The following BORCS5 variants were observed in gnomAD, a reference collection of about 807,000 sequenced individuals.
The protein encoded by BORCS5 is BLOC-1 related complex subunit 5.
A neutral mutation model predicts 22.1 loss-of-function variants in BORCS5; 17 were observed. That is an observed-to-expected ratio of 0.77 (90% CI 0.53 to 1.15). The LOEUF is 1.15. Among genes scored for constraint, BORCS5 ranks in the 50% most tolerant of loss-of-function variants. The pLI is 0.00. For synonymous variants in BORCS5, 117 were observed against 99.8 expected (o/e 1.17, Z -1.03); for missense variants, 247 against 253.2 (o/e 0.98, Z 0.17).
At chr12:12,430,151 A>ATTTTTTTTTTT (rs71061068) in intron 2 of BORCS5, among the ~76,000 whole-genome samples, 18,407 of 106,150 alleles carry the variant, frequency 0.17, 3,172 homozygotes, top group Non-Finnish European at 0.2. Flanking sequence ...CTTAGAGAAA[A>ATTTTTTTTTTT]TTTTTTTTTT....
chr12:12,423,547 T>G (rs200961383), intron 2 of BORCS5, among the ~76,000 whole-genome samples: 5 of 149,280 alleles, frequency 3.3e-5, no homozygotes, highest in Non-Finnish European at 1.5e-5. Context: ...ACAGGTTTTT[T>G]GTTTTTTGTT....
At chr12:12,433,605 G>A (rs368281749) in intron 2 of BORCS5, among the ~76,000 whole-genome samples, 7 of 152,168 alleles carry the variant, frequency 4.6e-5, no homozygotes, top group Non-Finnish European at 7.4e-5. Flanking sequence ...AAGGGGACAC[G>A]GGATCCTATA....
intron 2 of BORCS5, among the ~76,000 whole-genome samples, chr12:12,410,404 T>C (rs1023310157): frequency 1.3e-5 from 2 of 152,252 alleles, no homozygotes; most frequent in African/African-American, 2.4e-5. Context: ...AGTTTTTGTA[T>C]AAGGTGTAAG....
rs1032909952 is a variant in BORCS5 at position 12,382,945 on chromosome 12, A to T, written c.202+21596A>T. ...ATCTTGATGTTTCATCCAGTCTGAC[A>T]TTCTCTACCTTTTGATTGAGGTATA... On this transcript the variant is annotated intron_variant, in intron 2 of 3. Transcript: ENST00000314565. Among the ~76,000 whole-genome samples, 4 of 151,470 alleles carry T rather than the reference A, an allele frequency of 2.6e-5. No homozygotes were observed. In the East Asian group the frequency reaches 7.7e-4, roughly 29 times the overall value.
At chr12:12,435,907 G>A (rs932894968) in intron 3 of BORCS5, 122 bp downstream of exon 3, 20 of 966,824 alleles carry the variant, frequency 2.1e-5, no homozygotes, top group Non-Finnish European at 2.8e-5. Flanking sequence ...TTTCCCAGCA[G>A]TAAAATGTGA....
At chr12:12,451,351 C>CT (rs1347441229) in intron 3 of BORCS5, among the ~76,000 whole-genome samples, 21 of 152,130 alleles carry the variant, frequency 1.4e-4, no homozygotes, top group African/African-American at 5.1e-4. Flanking sequence ...ATATCTGGTT[C>CT]TTTAACAATT....
rs555305661 is a variant in BORCS5, at chr12:12,445,147, G to T, written c.360+9362G>T. Among the ~76,000 whole-genome samples the T allele has an allele frequency of 5.3e-5, 8 of 152,212 alleles. No individual in the cohort carries two copies. The East Asian group carries it at 1.4e-3, about 26-fold the overall frequency. ...TAGCCTCAAACTCCTGGGCTCAAGT[G>T]ATCCTCCCACTTCAGCCTCTCAAGT... On this transcript the variant is annotated intron_variant, in intron 3 of 3. Coordinates refer to ENST00000314565, the MANE Select transcript of BORCS5 (RefSeq NM_058169.6).
chr12:12,438,385 A>AAAC (rs1555156049), intron 3 of BORCS5, among the ~76,000 whole-genome samples: 2 of 126,110 alleles, frequency 1.6e-5, no homozygotes, highest in African/African-American at 6.6e-5. Context: ...AAAAAACGAA[A>AAAC]AACAACAACA....
At chr12:12,358,509 T>C (rs1378252651) in intron 1 of BORCS5, among the ~76,000 whole-genome samples, 1 of 152,238 alleles carries the variant, frequency 6.6e-6, no homozygotes, top group Non-Finnish European at 1.5e-5. Flanking sequence ...ATATCTGTTA[T>C]AAGAAATATA....
intron 2 of BORCS5, among the ~76,000 whole-genome samples, chr12:12,410,065 T>G (rs1234859876): frequency 2.2e-4 from 33 of 152,002 alleles, no homozygotes; most frequent in Middle Eastern, 3.4e-3. Flanking sequence ...TCACCCACTT[T>G]TTGATGGGGT....
chr12:12,391,142 A>G (rs891855248), intron 2 of BORCS5, among the ~76,000 whole-genome samples: 9 of 152,192 alleles, frequency 5.9e-5, no homozygotes, highest in African/African-American at 2.2e-4. Flanking sequence ...ATTTCAAGAT[A>G]AGTCCATAAC....
intron 2 of BORCS5, among the ~76,000 whole-genome samples, chr12:12,397,625 A>G (rs1245736502): frequency 6.6e-6 from 1 of 152,250 alleles, no homozygotes; most frequent in East Asian, 1.9e-4. Context: ...ATAGTCTGGT[A>G]ATTCCATCAT....
At chr12:12,386,539 T>C (rs1192648377) in intron 2 of BORCS5, among the ~76,000 whole-genome samples, 2 of 150,194 alleles carry the variant, frequency 1.3e-5, no homozygotes, top group African/African-American at 4.9e-5. Context: ...TGCAGTGTTA[T>C]GATCTTGGCT....
chr12:12,378,592 A>T (rs1398687979), intron 2 of BORCS5, among the ~76,000 whole-genome samples: 2 of 151,714 alleles, frequency 1.3e-5, no homozygotes, highest in Non-Finnish European at 2.9e-5. Context: ...GGAACAATTG[A>T]AGAATTATCA....
At chr12:12,432,364 T>C (rs1194893771) in intron 2 of BORCS5, among the ~76,000 whole-genome samples, 1 of 152,250 alleles carries the variant, frequency 6.6e-6, no homozygotes, top group Non-Finnish European at 1.5e-5. Flanking sequence ...GGAAATGTAT[T>C]TCTTGTCAGT....
At chr12:12,438,369 A>AT (rs1226144699) in intron 3 of BORCS5, among the ~76,000 whole-genome samples, 1 of 129,388 alleles carries the variant, frequency 7.7e-6, no homozygotes, top group African/African-American at 3.8e-5. Context: ...TCAAAAAAAA[A>AT]AAAAAAAAAA....
chr12:12,376,605 C>T (rs1863660668), intron 2 of BORCS5, among the ~76,000 whole-genome samples: 1 of 152,084 alleles, frequency 6.6e-6, no homozygotes, highest in Non-Finnish European at 1.5e-5. Flanking sequence ...TTCAGTAAAT[C>T]TTATGTTATG....
intron 2 of BORCS5, among the ~76,000 whole-genome samples, chr12:12,378,407 A>G (rs1275265094): frequency 6.6e-6 from 1 of 152,214 alleles, no homozygotes; most frequent in Non-Finnish European, 1.5e-5. Flanking sequence ...AAACACTTTT[A>G]TTTAAAAGAG....
At chr12:12,367,670 T>TC (rs373019584) in intron 2 of BORCS5, among the ~76,000 whole-genome samples, 2,932 of 152,328 alleles carry the variant, frequency 0.019, 114 homozygotes, top group East Asian at 0.16. Flanking sequence ...TTCAACCGAT[T>TC]GAGAAAGTGA....
Sources: allele counts gnomAD v4.1 joint callset (sites outside exome capture counted in the v4.1 genomes callset), GRCh38; gene constraint gnomAD v4.1.1; transcripts MANE v1.5; gene names NCBI Gene and HGNC (gene_info 2026-07-23, HGNC 2026-07-21).